The following TMPRSS9 variants were observed in gnomAD, a reference collection of about 807,000 sequenced individuals.
TMPRSS9 encodes transmembrane protease serine 9.
TMPRSS9 carries 113 observed loss-of-function variants against 111.4 expected under a neutral mutation model. The observed-to-expected ratio is 1.01, with a 90% confidence interval of 0.87 to 1.19. The LOEUF is 1.19. Among genes scored for constraint, TMPRSS9 ranks in the 50% most tolerant of loss-of-function variants. The pLI is 0.00. For synonymous variants in TMPRSS9, 805 were observed against 659.1 expected (o/e 1.22, Z -3.39); for missense variants, 1,803 against 1,513.1 (o/e 1.19, Z -3.18).
At chr19:2,389,546 T>G (rs1479820559), upstream of TMPRSS9, among the ~76,000 whole-genome samples, 1 of 151,932 alleles carries the variant, frequency 6.6e-6, no homozygotes, top group Admixed American at 6.6e-5. Context: ...TTTTGGATTT[T>G]TAGTAGAGAT....
chr19:2,416,320 T>C (rs1279579711), intron 11 of TMPRSS9: 6 of 613,198 alleles, frequency 9.8e-6, no homozygotes, highest in Non-Finnish European at 1.7e-5. Flanking sequence ...GAGGGTCCCC[T>C]GACTTGTCCG....
chr19:2,408,489 G>A, exon 8 of TMPRSS9: 1 of 1,613,936 alleles, frequency 6.2e-7, no homozygotes, highest in East Asian at 2.2e-5. Context: ...GGCCGACTTT[G>A]ACGTGGCTGT....
chr19:2,363,196 A>G (rs1004626085), intron 1 of TMPRSS9, among the ~76,000 whole-genome samples: 18 of 152,208 alleles, frequency 1.2e-4, no homozygotes, highest in African/African-American at 4.1e-4. Flanking sequence ...CCTAAAGAGC[A>G]TTCTTGGACT....
Position 2,381,363 on chromosome 19 carries a change from CGT to C in TMPRSS9, c.-25-8383_-25-8382del, listed in dbSNP as rs138327253. ...TGAATGAACACTGTGTGTGTGTGTG[CGT>C]GTGTGTGTGTGTGTTGGGGAGTGAG... On this transcript the variant is annotated intron_variant, in intron 1 of 17. Transcript: ENST00000649857. Among the ~76,000 whole-genome samples the C allele has an allele frequency of 1.9e-4, 28 of 148,524 alleles. No homozygotes were observed. In the East Asian group the frequency reaches 2.0e-3, roughly 10 times the overall value.
At chr19:2,378,459 C>T (rs1164029941) in intron 1 of TMPRSS9, among the ~76,000 whole-genome samples, 1 of 152,206 alleles carries the variant, frequency 6.6e-6, no homozygotes, top group East Asian at 1.9e-4. Context: ...GTGGCTCATG[C>T]CTGTAATCCC....
chr19:2,415,613 A>T, intron 10 of TMPRSS9, 57 bp from the exon 12 acceptor site: 2 of 1,415,672 alleles, frequency 1.4e-6, no homozygotes, highest in Non-Finnish European at 1.9e-6. Flanking sequence ...ACCCCACCGG[A>T]TGCTCCCACC....
intron 1 of TMPRSS9, among the ~76,000 whole-genome samples, chr19:2,394,597 T>TTATTTA (rs1324853817): frequency 8.0e-5 from 1 of 12,556 alleles, no homozygotes; most frequent in Non-Finnish European, 1.4e-4. Context: ...GTGCTCGTGT[T>TTATTTA]TCTTTAGTTT....
At chr19:2,398,554 G>A (rs1457522173) in intron 2 of TMPRSS9, among the ~76,000 whole-genome samples, 1 of 152,104 alleles carries the variant, frequency 6.6e-6, no homozygotes, top group Non-Finnish European at 1.5e-5. Context: ...GGAGGCGGAG[G>A]TTGCAGTGAG....
intron 8 of TMPRSS9, among the ~76,000 whole-genome samples, chr19:2,409,968 C>A (rs1453917854): frequency 6.6e-6 from 1 of 151,922 alleles, no homozygotes; most frequent in Non-Finnish European, 1.5e-5. Context: ...GAATGAGGGG[C>A]CTGAGATCCC....
At chr19:2,393,823 G>C (rs1177901769) in intron 1 of TMPRSS9, among the ~76,000 whole-genome samples, 2 of 148,918 alleles carry the variant, frequency 1.3e-5, no homozygotes, top group African/African-American at 5.0e-5. Context: ...GCTTGAACCC[G>C]GGAAGTGGAG....
chr19:2,394,639 T>G (rs1233922539), intron 1 of TMPRSS9, among the ~76,000 whole-genome samples: 4 of 152,158 alleles, frequency 2.6e-5, no homozygotes, highest in African/African-American at 9.7e-5. Flanking sequence ...TTTTTAGAAT[T>G]GGTTCAGAAT....
At chr19:2,378,295 T>A (rs753817066) in intron 1 of TMPRSS9, among the ~76,000 whole-genome samples, 1 of 152,148 alleles carries the variant, frequency 6.6e-6, no homozygotes, top group Non-Finnish European at 1.5e-5. Flanking sequence ...CTGGTTTGAT[T>A]GGAATTGAGT....
chr19:2,374,248 C>CTTTTTTT lies in TMPRSS9; in HGVS notation c.-26+13919_-26+13925dup, dbSNP rs1027376774. 1.4e-4 allele frequency among the ~76,000 whole-genome samples: 10 copies of CTTTTTTT among 70,434 alleles called. 1 individual carries two copies. The highest frequency in any genetic ancestry group is 2.5e-4 in the Non-Finnish European group (9 of 36,544). The allele number at this position is 70,434 out of a possible 152,430, so 46.2% of individuals were successfully genotyped here. A position where few individuals can be genotyped will look rare whatever the true frequency, so the allele number is the denominator to read the frequency against. On this transcript the variant is annotated intron_variant, in intron 1 of 17. Transcript: ENST00000649857. ...TTTCATGCTGATTTCTCTCAACAAT[C>CTTTTTTT]TTTTTTTTTTTTTTTTTTTTTTTTT...
At chr19:2,399,291 G>T in intron 4 of TMPRSS9, 98 bp downstream of exon 5, 8 of 1,436,770 alleles carry the variant, frequency 5.6e-6, no homozygotes, top group Non-Finnish European at 7.3e-6. Context: ...CCCATAAAAA[G>T]AAAACAAACT....
intron 13 of TMPRSS9, among the ~76,000 whole-genome samples, chr19:2,420,486 T>C (rs948291020): frequency 6.7e-6 from 1 of 149,768 alleles, no homozygotes; most frequent in Non-Finnish European, 1.5e-5. Context: ...ATAGTAACTC[T>C]CAAAGTTAGA....
chr19:2,384,849 GCAT>G (rs1336569377), upstream of TMPRSS9, among the ~76,000 whole-genome samples: 1 of 150,524 alleles, frequency 6.6e-6, no homozygotes, highest in South Asian at 2.1e-4. Context: ...GGGTGTGGTG[GCAT>G]GCACCTGTAA....
At chr19:2,367,283 T>C (rs562542283) in intron 1 of TMPRSS9, among the ~76,000 whole-genome samples, 11 of 152,304 alleles carry the variant, frequency 7.2e-5, no homozygotes, top group African/African-American at 2.6e-4. Context: ...CTTCGGTGCC[T>C]CCAATTCATC....
At chr19:2,417,964 C>G (rs1971289137) in intron 12 of TMPRSS9, 38 bp from the exon 14 acceptor site, 1 of 1,610,176 alleles carries the variant, frequency 6.2e-7, no homozygotes, top group African/African-American at 1.3e-5. Context: ...CTCTGATGAT[C>G]ACTGTGCACG....
intron 1 of TMPRSS9, among the ~76,000 whole-genome samples, chr19:2,361,877 A>G (rs2145233424): frequency 6.6e-6 from 1 of 152,130 alleles, no homozygotes; most frequent in Non-Finnish European, 1.5e-5. Context: ...CGCCTTGCAG[A>G]TCAGGGATGC....
Sources: gnomAD v4.1 joint callset for allele counts (sites outside exome capture counted in the v4.1 genomes callset) on GRCh38, gnomAD v4.1.1 for gene constraint, MANE v1.5 for transcripts, NCBI Gene and HGNC (gene_info 2026-07-23, HGNC 2026-07-21) for gene names.